Variants in KCNAB2 observed in about 807,000 individuals in gnomAD.
The protein encoded by KCNAB2 is voltage-gated potassium channel subunit beta-2.
In KCNAB2, 29 loss-of-function variants were observed where a neutral mutation model predicts 63.6. That is an observed-to-expected ratio of 0.46 (90% CI 0.34 to 0.62). The LOEUF is 0.62. KCNAB2 is among the 20% of genes least tolerant of loss of function. The pLI is 0.01. For synonymous variants in KCNAB2, 222 were observed against 224.2 expected (o/e 0.99, Z 0.09); for missense variants, 359 against 563.9 (o/e 0.64, Z 3.68).
rs1657367364 is a variant in KCNAB2 at position 6,003,305 on chromosome 1, T to G, written c.-53+10517T>G. Among the ~76,000 whole-genome samples, 1 of 152,196 alleles carries G rather than the reference T, an allele frequency of 6.6e-6. No individual in the cohort carries two copies. The highest frequency in any genetic ancestry group is 2.1e-4 in the South Asian group (1 of 4,836). On this transcript the variant is annotated intron_variant, in intron 1 of 16. Transcript: ENST00000341524. This position sits in a 1 kb window ranked among gnomAD's most constrained non-coding sequence, Gnocchi z 4.1. ...TCCCACCCCTGGAACTTGCTTTCCCTGCTTCCCACACACAGATCCTCCCCA... is the reference window on the plus strand; with the variant it reads ...TCCCACCCCTGGAACTTGCTTTCCCGGCTTCCCACACACAGATCCTCCCCA...
At chr1:6,075,294 T>C (rs1438022973) in intron 4 of KCNAB2, among the ~76,000 whole-genome samples, 1 of 152,220 alleles carries the variant, frequency 6.6e-6, no homozygotes, top group East Asian at 1.9e-4. Context: ...ACTAGACCCA[T>C]CCAATGAGAT....
intron 1 of KCNAB2, among the ~76,000 whole-genome samples, chr1:6,008,875 TGAG>T (rs1657983959): frequency 6.6e-6 from 1 of 151,946 alleles, no homozygotes; most frequent in African/African-American, 2.4e-5. Flanking sequence ...TGGGCCTGAG[TGAG>T]GAGATGTCTG....
rs1163436071 is a variant in KCNAB2 at position 6,078,187 on chromosome 1, C to T, written c.301-4008C>T. Among the ~76,000 whole-genome samples the T allele has an allele frequency of 1.3e-5, 2 of 152,232 alleles. No homozygotes were observed. The highest frequency in any genetic ancestry group is 2.9e-5 in the Non-Finnish European group (2 of 68,036). On this transcript the variant is annotated intron_variant, in intron 4 of 15. Coordinates refer to ENST00000378083, the MANE Select transcript of KCNAB2 (RefSeq NM_001199862.2). This position sits in a 1 kb window ranked among gnomAD's most constrained non-coding sequence, Gnocchi z 4.2. ...TGCCCGCATCCCCCAGTCTCTGCCCCTGTGGATACTCTCCGTCCTCCTCTT... is the reference window on the plus strand; with the variant it reads ...TGCCCGCATCCCCCAGTCTCTGCCCTTGTGGATACTCTCCGTCCTCCTCTT...
rs1665904305 is a variant in KCNAB2, at chr1:6,099,699, G to A, written c.*1125G>A. On this transcript the variant is annotated 3_prime_UTR_variant, in exon 16 of 16. Coordinates refer to ENST00000378083, the MANE Select transcript of KCNAB2 (RefSeq NM_001199862.2). ...GGTCTTTGGGGTTTTCTGTGCCCATGACTTGGGGGCTGCACCCCCACAGCA... is the reference window on the plus strand; with the variant it reads ...GGTCTTTGGGGTTTTCTGTGCCCATAACTTGGGGGCTGCACCCCCACAGCA... 2.1e-6 allele frequency: 3 copies of A among 1,402,194 alleles called. No homozygotes were observed. Among genetic ancestry groups the A allele is most frequent in the South Asian group, 3.0e-5 (2 of 65,750 alleles). 86.9% of individuals were successfully genotyped at this position (1,402,194 alleles called of 1,614,324 possible).
At chr1:6,025,548 G>T (rs1384689717) in intron 1 of KCNAB2, among the ~76,000 whole-genome samples, 1 of 152,176 alleles carries the variant, frequency 6.6e-6, no homozygotes, top group Non-Finnish European at 1.5e-5. Flanking sequence ...GAAAAACCCC[G>T]CAGAGGGTGC....
intron 1 of KCNAB2, among the ~76,000 whole-genome samples, chr1:6,012,906 G>A (rs1003238306): frequency 2.0e-5 from 3 of 152,002 alleles, no homozygotes; most frequent in Non-Finnish European, 4.4e-5. Context: ...CTCCACACAC[G>A]CCCTGTGAGC....
intron 1 of KCNAB2, among the ~76,000 whole-genome samples, chr1:6,015,557 C>A (rs1049066606): frequency 6.6e-6 from 1 of 152,250 alleles, no homozygotes; most frequent in Admixed American, 6.5e-5. Context: ...GTTTGCCCTT[C>A]CCTGCCATAG....
At chr1:6,014,586 G>A (rs938615652) in intron 1 of KCNAB2, among the ~76,000 whole-genome samples, 4 of 152,186 alleles carry the variant, frequency 2.6e-5, no homozygotes, top group African/African-American at 7.2e-5. Flanking sequence ...AGCTGTCCTC[G>A]GCTCTCTGCC....
In KCNAB2 at chr1:6,040,585, C is replaced by T. The variant is rs200939954; in HGVS notation, c.17C>T (p.Thr6Met). The T allele has an allele frequency of 2.4e-5, 38 of 1,614,056 alleles. No individual in the cohort carries two copies. The highest frequency in any genetic ancestry group is 2.2e-4 in the Admixed American group (13 of 60,014). The change falls in exon 2 of 16, where the codon ACG (threonine) becomes ATG (methionine). Residue 6 changes from threonine (T) to methionine (M), a missense_variant. Thr to Met is a moderately conservative substitution (Grantham distance 81, BLOSUM62 -1). Coordinates refer to the KCNAB2 transcript ENST00000164247. Reference sequence around the variant, plus strand: ...GCTGGCTCCATGTATCCAGAATCAACGACGGGCTCCCCGGCTCGGCTCTCG... The same window carrying T: ...GCTGGCTCCATGTATCCAGAATCAATGACGGGCTCCCCGGCTCGGCTCTCG...
At chr1:5,998,787 C>T (rs1187217033) in intron 1 of KCNAB2, among the ~76,000 whole-genome samples, 2 of 152,198 alleles carry the variant, frequency 1.3e-5, no homozygotes, top group African/African-American at 4.8e-5. Flanking sequence ...TCCAAGCACT[C>T]GCCAACCAAC....
At chr1:6,041,577 G>A (rs1445984296), upstream of KCNAB2, 3 of 537,642 alleles carry the variant, frequency 5.6e-6, no homozygotes, top group Non-Finnish European at 1.0e-5. Context: ...GGCCTGGCAT[G>A]GAAGGAGCCC....
intron 1 of KCNAB2, 73 bp downstream of exon 1, chr1:6,046,256 A>C: frequency 1.1e-6 from 1 of 942,032 alleles, no homozygotes; most frequent in Non-Finnish European, 1.3e-6. Flanking sequence ...GGGAATGAAA[A>C]ATAACAGAGG....
chr1:6,017,023 A>T (rs1658545008), intron 1 of KCNAB2, among the ~76,000 whole-genome samples: 3 of 152,100 alleles, frequency 2.0e-5, no homozygotes, highest in Admixed American at 2.0e-4. Flanking sequence ...CCCACAAAAT[A>T]CCGTGACCAG....
intron 2 of KCNAB2, among the ~76,000 whole-genome samples, chr1:6,062,307 AAAG>A (rs899050883): frequency 1.3e-5 from 2 of 152,032 alleles, no homozygotes; most frequent in African/African-American, 2.4e-5. Flanking sequence ...AGAAAAAAAA[AAAG>A]AAGTCCAAAA....
At chr1:6,018,098 AT>A (rs1365687865) in intron 1 of KCNAB2, among the ~76,000 whole-genome samples, 2 of 151,798 alleles carry the variant, frequency 1.3e-5, no homozygotes, top group Admixed American at 6.6e-5. Context: ...CACCCAACTA[AT>A]TTTTTTTGTA....
In KCNAB2 at chr1:6,073,785, T is replaced by C; in HGVS notation, c.300+15T>C. The C allele has an allele frequency of 6.2e-7, 1 of 1,613,830 alleles. No individual in the cohort carries two copies. Among genetic ancestry groups the C allele is most frequent in the Non-Finnish European group, 8.5e-7 (1 of 1,179,752 alleles). ...TCACCGATGAGGTAAGATGGGGCTC[T>C]CCCAGCACCCCAGAACCCAGCACGG... On this transcript the variant is annotated intron_variant, in intron 4 of 15. Transcript: ENST00000378083. The surrounding 1 kb of genome is among the most constrained non-coding windows in gnomAD (Gnocchi z 5.7).
chr1:6,085,100 C>T (rs1175702353), intron 5 of KCNAB2, 104 bp from the exon 6 acceptor site: 3 of 1,182,468 alleles, frequency 2.5e-6, no homozygotes, highest in African/African-American at 1.5e-5. Flanking sequence ...TCTCTGGCCC[C>T]AGTGACATTT....
intron 10 of KCNAB2, among the ~76,000 whole-genome samples, chr1:6,093,959 G>GT (rs1273783791): frequency 6.6e-6 from 1 of 152,134 alleles, no homozygotes. Context: ...AAAAACACAT[G>GT]TCCCTCCTGC....
At chr1:6,001,123 G>A (rs750454378) in intron 1 of KCNAB2, among the ~76,000 whole-genome samples, 27 of 152,118 alleles carry the variant, frequency 1.8e-4, no homozygotes, top group Admixed American at 1.2e-3. Flanking sequence ...CTTGGAGGCC[G>A]GAACATCTTT....
Sources: allele counts gnomAD v4.1 joint callset (sites outside exome capture counted in the v4.1 genomes callset), GRCh38; gene constraint gnomAD v4.1.1; non-coding constraint Gnocchi (gnomAD v3.1); transcripts MANE v1.5; gene names NCBI Gene and HGNC (gene_info 2026-07-23, HGNC 2026-07-21).